The following SV2C variants were observed in gnomAD, a reference collection of about 807,000 sequenced individuals.
The protein encoded by SV2C is synaptic vesicle glycoprotein 2C, also known as solute carrier family 22 member B3.
A neutral mutation model predicts 79.7 loss-of-function variants in SV2C; 49 were observed. The observed-to-expected ratio is 0.61, with a 90% CI of 0.49 to 0.78. SV2C has a LOEUF of 0.78. Among genes scored for constraint, SV2C ranks in the 30% least tolerant of loss-of-function variants. The pLI, the probability that SV2C is intolerant of heterozygous loss-of-function variation, is 0.00. For synonymous variants in SV2C, 334 were observed against 333.2 expected, an observed-to-expected ratio of 1.00 and a Z score of -0.03; for missense variants, 833 against 912.9, an observed-to-expected ratio of 0.91 and a Z score of 1.13.
the SV2C span, among the ~76,000 whole-genome samples, chr5:75,867,306 C>T: frequency 7.2e-5 from 11 of 152,128 alleles, no homozygotes; most frequent in African/African-American, 2.4e-4. Flanking sequence ...GCAGATGCAA[C>T]AGGGGTCAGA....
intron 2 of SV2C, among the ~76,000 whole-genome samples, chr5:76,135,205 G>A (rs1749026511): frequency 1.3e-5 from 2 of 152,194 alleles, no homozygotes; most frequent in South Asian, 4.1e-4. Context: ...ATTAGGTAAG[G>A]CAGAATATAG....
chr5:76,152,770 C>A (rs571492335), intron 2 of SV2C, among the ~76,000 whole-genome samples: 1 of 152,290 alleles, frequency 6.6e-6, no homozygotes, highest in African/African-American at 2.4e-5. Context: ...GTAAAGAATT[C>A]TTCTGCCCCC....
At chr5:76,045,902 A>G in the SV2C span, among the ~76,000 whole-genome samples, 1 of 152,146 alleles carries the variant, frequency 6.6e-6, no homozygotes. Flanking sequence ...AGGCTGTCTG[A>G]GTGGGACATG....
chr5:76,128,058 A>G (rs73130284), intron 1 of SV2C, among the ~76,000 whole-genome samples: 2,925 of 152,172 alleles, frequency 0.019, 96 homozygotes, highest in African/African-American at 0.067. Context: ...GGGGTAAACA[A>G]CTCATTTAAT....
At position 76,155,942 on chromosome 5, in the gene SV2C, CAAAAAAAAAAAA is replaced by C. The variant is rs56340029; in HGVS notation, c.580+23628_580+23639del. 8.6e-5 allele frequency among the ~76,000 whole-genome samples: 5 copies of C among 58,098 alleles called. No homozygotes were observed. In the East Asian group the frequency reaches 1.6e-3, roughly 19 times the overall value. The allele number at this position is 58,098 out of a possible 152,430, so 38.1% of individuals were successfully genotyped here. A position where few individuals can be genotyped will look rare whatever the true frequency, so the allele number is the denominator to read the frequency against. On this transcript the variant is annotated intron_variant, in intron 2 of 12. Coordinates refer to ENST00000502798, the MANE Select transcript of SV2C (RefSeq NM_014979.4). Reference sequence around the variant, plus strand: ...AGAAATTTATGCCCAAGGTTTCTCTCAAAAAAAAAAAAAAAAAAAAAAAAAAAGTAGAGGTTG... The same window carrying C: ...AGAAATTTATGCCCAAGGTTTCTCTCAAAAAAAAAAAAAAAGTAGAGGTTG...
the SV2C span, among the ~76,000 whole-genome samples, chr5:76,019,900 A>G: frequency 7.2e-5 from 11 of 152,170 alleles, no homozygotes; most frequent in Non-Finnish European, 1.3e-4. Flanking sequence ...ATACGAGTAA[A>G]TAGTGGAATT....
chr5:76,206,797 A>G (rs768532084), intron 3 of SV2C, among the ~76,000 whole-genome samples: 3 of 152,242 alleles, frequency 2.0e-5, no homozygotes, highest in Non-Finnish European at 4.4e-5. Flanking sequence ...AAAGGACATC[A>G]CAGTAGGACA....
chr5:75,998,529 G>T, the SV2C span, among the ~76,000 whole-genome samples: 1 of 152,214 alleles, frequency 6.6e-6, no homozygotes, highest in South Asian at 2.1e-4. Flanking sequence ...GATTTGAATT[G>T]CAAGGAAAAT....
chr5:76,256,401 C>G (rs1746266948), intron 4 of SV2C, among the ~76,000 whole-genome samples: 1 of 152,168 alleles, frequency 6.6e-6, no homozygotes, highest in Non-Finnish European at 1.5e-5. Flanking sequence ...TGAAAGTCAT[C>G]AGGGAAGAGG....
chr5:76,079,726 A>G, upstream of SV2C: 1 of 279,996 alleles, frequency 3.6e-6, no homozygotes, highest in South Asian at 4.9e-5. Flanking sequence ...CAAACTTCGA[A>G]TTGTGGGTAT....
intron 2 of SV2C, among the ~76,000 whole-genome samples, chr5:76,142,327 C>T (rs1749280140): frequency 6.6e-6 from 1 of 152,116 alleles, no homozygotes; most frequent in Non-Finnish European, 1.5e-5. Context: ...AATTTTTTTA[C>T]TGTAAGGAAT....
chr5:75,952,290 TCTTC>T, the SV2C span, among the ~76,000 whole-genome samples: 3 of 80,912 alleles, frequency 3.7e-5, no homozygotes, highest in African/African-American at 1.7e-4. Context: ...TTCCTTCCTT[TCTTC>T]CTTCCTTCCT....
At chr5:76,193,596 T>G (rs1402359683) in intron 2 of SV2C, among the ~76,000 whole-genome samples, 1 of 152,184 alleles carries the variant, frequency 6.6e-6, no homozygotes, top group Non-Finnish European at 1.5e-5. Flanking sequence ...TGTTTATAGC[T>G]CTAAGGTTTA....
chr5:75,989,110 T>C, the SV2C span, among the ~76,000 whole-genome samples: 1 of 151,884 alleles, frequency 6.6e-6, no homozygotes, highest in Non-Finnish European at 1.5e-5. Context: ...TAGGTGGAGT[T>C]TTCCCACTTT....
chr5:76,023,217 C>A, the SV2C span, among the ~76,000 whole-genome samples: 1 of 152,160 alleles, frequency 6.6e-6, no homozygotes, highest in Non-Finnish European at 1.5e-5. Context: ...GTGACCTCTA[C>A]AAGCATTGTT....
intron 4 of SV2C, among the ~76,000 whole-genome samples, chr5:76,230,973 C>T (rs1041586893): frequency 1.3e-5 from 2 of 152,194 alleles, no homozygotes; most frequent in Admixed American, 6.5e-5. Flanking sequence ...TCTAACATAA[C>T]ATCCTGAGTT....
intron 4 of SV2C, among the ~76,000 whole-genome samples, chr5:76,268,348 G>A (rs544330127): frequency 1.3e-5 from 2 of 152,270 alleles, no homozygotes; most frequent in South Asian, 2.1e-4. Context: ...CACGGGGCTC[G>A]ATGATGCATG....
upstream of SV2C, among the ~76,000 whole-genome samples, chr5:76,079,945 GT>G (rs547913283): frequency 1.6e-3 from 226 of 145,190 alleles, 1 homozygote; most frequent in East Asian, 8.8e-3. Flanking sequence ...AGCTTAGGGT[GT>G]TTTTTTTTTT....
chr5:76,310,502 T>TG, intron 12 of SV2C, among the ~76,000 whole-genome samples: 1 of 152,264 alleles, frequency 6.6e-6, no homozygotes, highest in South Asian at 2.1e-4. Flanking sequence ...TAAGAAGCCA[T>TG]GGGGTCAGAG....
Sources: allele counts gnomAD v4.1 joint callset (sites outside exome capture counted in the v4.1 genomes callset), GRCh38; gene constraint gnomAD v4.1.1; transcripts MANE v1.5; gene names NCBI Gene and HGNC (gene_info 2026-07-23, HGNC 2026-07-21).